The following BDNF variants were observed in gnomAD, a reference collection of about 807,000 sequenced individuals.
BDNF encodes the protein brain derived neurotrophic factor.
In BDNF, 1 loss-of-function variant was observed where a neutral mutation model predicts 19.5. The observed-to-expected ratio is 0.05, with a 90% CI of 0.02 to 0.24. The LOEUF (loss-of-function observed/expected upper bound fraction) is 0.24. Ranked by LOEUF, BDNF falls within the 10% of genes least tolerant of loss-of-function variation. The pLI is 1.00. For missense variants in BDNF, 195 were observed against 317.6 expected, an observed-to-expected ratio of 0.61 and a Z score of 2.93; for synonymous variants, 100 against 121.6, an observed-to-expected ratio of 0.82 and a Z score of 1.17.
upstream of BDNF, chr11:27,701,158 T>A: frequency 8.2e-7 from 1 of 1,222,102 alleles, no homozygotes. Flanking sequence ...TTTTTATTGA[T>A]GAACGCCCCC....
upstream of BDNF, chr11:27,700,887 T>A (rs1182076098): frequency 1.5e-6 from 2 of 1,298,994 alleles, no homozygotes; most frequent in Non-Finnish European, 2.0e-6. Flanking sequence ...CTCGCTCCCC[T>A]AGCTTTCAAC....
chr11:27,704,189 G>A (rs762654538), upstream of BDNF, among the ~76,000 whole-genome samples: 2 of 152,040 alleles, frequency 1.3e-5, no homozygotes, highest in Non-Finnish European at 2.9e-5. Flanking sequence ...CTAAAATGAG[G>A]GAAAGTTTCA....
chr11:27,700,468 G>A, upstream of BDNF: 2 of 983,922 alleles, frequency 2.0e-6, no homozygotes, highest in Non-Finnish European at 2.4e-6. Flanking sequence ...CTTGCGCCCG[G>A]GTCAGACATT....
intron 1 of BDNF, among the ~76,000 whole-genome samples, chr11:27,659,928 C>T (rs1334088415): frequency 6.6e-6 from 1 of 152,136 alleles, no homozygotes; most frequent in African/African-American, 2.4e-5. Context: ...CCAAGGTTAC[C>T]GTCAGGTGGT....
intron 1 of BDNF, among the ~76,000 whole-genome samples, chr11:27,681,651 T>C (rs572202703): frequency 8.0e-4 from 122 of 152,278 alleles, no homozygotes; most frequent in Non-Finnish European, 1.5e-3. Flanking sequence ...TTGTAAACTT[T>C]GCTATAAAGT....
intron 1 of BDNF, chr11:27,675,815 G>A (rs1856022054): frequency 6.6e-6 from 1 of 151,812 alleles, no homozygotes; most frequent in Non-Finnish European, 1.5e-5. Context: ...GACACTCACA[G>A]ACTGTGCCAA....
chr11:27,719,288 C>A (rs1860653971), intron 1 of BDNF, among the ~76,000 whole-genome samples: 1 of 152,220 alleles, frequency 6.6e-6, no homozygotes, highest in Admixed American at 6.5e-5. Flanking sequence ...CGCCCTCCAC[C>A]GGCGCCTCCG....
At chr11:27,698,827 G>A (rs920779760) in intron 1 of BDNF, among the ~76,000 whole-genome samples, 3 of 152,080 alleles carry the variant, frequency 2.0e-5, no homozygotes, top group African/African-American at 7.2e-5. Context: ...GGTTGCTACT[G>A]ACATTAAGGA....
chr11:27,700,575 C>T, upstream of BDNF: 1 of 969,784 alleles, frequency 1.0e-6, no homozygotes, highest in Non-Finnish European at 1.2e-6. Flanking sequence ...GCTACCGATA[C>T]CCGTTCGAGG....
chr11:27,716,577 T>A (rs1317835951), intron 1 of BDNF, among the ~76,000 whole-genome samples: 1 of 151,994 alleles, frequency 6.6e-6, no homozygotes. Flanking sequence ...AATAAGCAAC[T>A]CATTAAATTA....
intron 1 of BDNF, chr11:27,719,500 C>A: frequency 1.1e-5 from 11 of 985,496 alleles, no homozygotes; most frequent in Non-Finnish European, 1.3e-5. Context: ...GTTACCCCGA[C>A]TGACTCGGAC....
rs1188538427 is a variant in BDNF at position 27,694,561 on chromosome 11, TA to T, written c.-22+5602del. ...CATCCAAGAATTTTAAGTCAATTTGTAATTATTGGTTCCTGGTTCCATAACT... is the reference window on the plus strand; with the variant it reads ...CATCCAAGAATTTTAAGTCAATTTGTATTATTGGTTCCTGGTTCCATAACT... On this transcript the variant is annotated intron_variant, in intron 1 of 1. Transcript: ENST00000356660. Among the ~76,000 whole-genome samples the T allele has an allele frequency of 3.3e-5, 5 of 150,174 alleles. No individual in the cohort carries two copies. The Admixed American group carries it at 3.4e-4, about 10-fold the overall frequency.
At chr11:27,703,710 A>G (rs1185608769), upstream of BDNF, among the ~76,000 whole-genome samples, 1 of 152,212 alleles carries the variant, frequency 6.6e-6, no homozygotes, top group Non-Finnish European at 1.5e-5. Context: ...AGGAAAAGAC[A>G]GAGGAGTCAG....
chr11:27,713,599 T>C (rs1255177108), intron 1 of BDNF, among the ~76,000 whole-genome samples: 2 of 152,192 alleles, frequency 1.3e-5, no homozygotes, highest in Non-Finnish European at 2.9e-5. Flanking sequence ...CTCCTTTTGG[T>C]ACTGATGAGC....
chr11:27,697,567 C>T (rs80053947), intron 1 of BDNF: 238 of 152,280 alleles, frequency 1.6e-3, no homozygotes, highest in African/African-American at 5.7e-3. Context: ...AGGCAATTAA[C>T]TCACATAGTA....
At chr11:27,709,107 G>A (rs1351329911) in intron 1 of BDNF, among the ~76,000 whole-genome samples, 3 of 152,130 alleles carry the variant, frequency 2.0e-5, no homozygotes, top group Admixed American at 1.3e-4. Flanking sequence ...GGGATTACAG[G>A]CATGAGCCAC....
At chr11:27,718,132 G>A (rs1464801906) in intron 1 of BDNF, among the ~76,000 whole-genome samples, 2 of 152,128 alleles carry the variant, frequency 1.3e-5, no homozygotes, top group African/African-American at 4.8e-5. Flanking sequence ...GGATGGCGCG[G>A]GGAGAGGGAA....
At chr11:27,673,663 C>T (rs572315752) in intron 1 of BDNF, among the ~76,000 whole-genome samples, 2 of 152,204 alleles carry the variant, frequency 1.3e-5, no homozygotes, top group Admixed American at 6.5e-5. Context: ...TTTCCACAGA[C>T]GGTGCTCCTG....
upstream of BDNF, among the ~76,000 whole-genome samples, chr11:27,705,261 A>G (rs939765608): frequency 2.6e-5 from 4 of 152,352 alleles, no homozygotes; most frequent in South Asian, 8.3e-4. Flanking sequence ...GCTGACAGTA[A>G]TAAATAGCTG....
Sources: allele counts gnomAD v4.1 joint callset (sites outside exome capture counted in the v4.1 genomes callset), GRCh38; gene constraint gnomAD v4.1.1; transcripts MANE v1.5; gene names NCBI Gene and HGNC (gene_info 2026-07-23, HGNC 2026-07-21).